The following ENKUR variants were observed in gnomAD, a reference collection of about 807,000 sequenced individuals.
ENKUR encodes enkurin.
ENKUR carries 19 observed loss-of-function variants against 27.6 expected under a neutral mutation model. The ratio of observed to expected loss-of-function variants is 0.69; its 90% CI spans 0.48 to 1.01. The LOEUF is 1.01. Ranked by LOEUF, ENKUR falls within the 50% of genes least tolerant of loss-of-function variation. The pLI, the probability that ENKUR is intolerant of heterozygous loss-of-function variation, is 0.00. For missense variants in ENKUR, 312 were observed against 310.5 expected (o/e 1.00, Z -0.04); for synonymous variants, 117 against 96.9 (o/e 1.21, Z -1.22).
chr10:25,042,205 AAGAG>A (rs1020531029), intron 2 of ENKUR, among the ~76,000 whole-genome samples: 4 of 152,002 alleles, frequency 2.6e-5, no homozygotes, highest in East Asian at 1.9e-4. Flanking sequence ...TATAGGGAGA[AAGAG>A]AGAAAGATTA....
chr10:24,993,967 A>G (rs1265971122), intron 3 of ENKUR, among the ~76,000 whole-genome samples: 2 of 152,122 alleles, frequency 1.3e-5, no homozygotes, highest in Admixed American at 1.3e-4. Context: ...ACTTTTCCCT[A>G]TCCTGTGGGA....
At chr10:25,030,325 G>A (rs1348818601) in intron 2 of ENKUR, among the ~76,000 whole-genome samples, 3 of 152,080 alleles carry the variant, frequency 2.0e-5, no homozygotes, top group Non-Finnish European at 4.4e-5. Flanking sequence ...GTCTAACAAT[G>A]TCTTTATTCC....
chr10:25,052,080 T>C (rs868641163), intron 2 of ENKUR, among the ~76,000 whole-genome samples: 3 of 152,258 alleles, frequency 2.0e-5, no homozygotes, highest in Admixed American at 2.0e-4. Context: ...TTGTCATTTA[T>C]CATTAACTAG....
chr10:24,991,581 G>C (rs1021623847), intron 3 of ENKUR, among the ~76,000 whole-genome samples: 10 of 152,196 alleles, frequency 6.6e-5, no homozygotes, highest in Non-Finnish European at 1.3e-4. Flanking sequence ...TTTGGCCGGG[G>C]TGGTGGGAGG....
chr10:25,056,614 G>GTGATT (rs1160684283), intron 2 of ENKUR, among the ~76,000 whole-genome samples: 8 of 152,108 alleles, frequency 5.3e-5, no homozygotes, highest in Admixed American at 2.0e-4. Context: ...TTATTTCAAG[G>GTGATT]GAAATATACC....
At position 25,005,776 on chromosome 10, in the gene ENKUR, CACTT is replaced by C. The variant is rs1415912452; in HGVS notation, c.78-6234_78-6231del. Among the ~76,000 whole-genome samples, 4 of 152,216 alleles carry C rather than the reference CACTT, an allele frequency of 2.6e-5. No individual in the cohort carries two copies. The East Asian group carries it at 7.7e-4, about 29-fold the overall frequency. ...GGTTGTCTGTCATAGCTCTGATCTG[CACTT>C]ACTTGACAACACAGGCATATGTCAT... On this transcript the variant is annotated intron_variant, in intron 1 of 5. Transcript: ENST00000331161.
chr10:24,990,532 A>G lies in ENKUR; in HGVS notation c.525T>C (p.Tyr175=), dbSNP rs1378503832. 1.9e-6 allele frequency: 3 copies of G among 1,614,098 alleles called. No homozygotes were observed. The highest frequency in any genetic ancestry group is 2.5e-6 in the Non-Finnish European group (3 of 1,180,020). ...IKKAQEDYDR[Y]IQENLKKAAM... ...CTGCTTTCTTAAGGTTTTCCTGGAT[A>G]TAACGATCATAGTCTTCTTGGGCTT... Residue 175 remains tyrosine (Y), a synonymous_variant, in exon 4 of 6, where the codon TAT becomes TAC. Coordinates refer to ENST00000331161, the MANE Select transcript of ENKUR (RefSeq NM_145010.4).
At chr10:25,044,145 A>G (rs1851095118) in intron 2 of ENKUR, among the ~76,000 whole-genome samples, 3 of 152,154 alleles carry the variant, frequency 2.0e-5, no homozygotes, top group Non-Finnish European at 2.9e-5. Flanking sequence ...TTTTTATTGT[A>G]TAGCTCACAT....
At chr10:24,992,743 G>A (rs1356672909) in intron 3 of ENKUR, among the ~76,000 whole-genome samples, 1 of 152,210 alleles carries the variant, frequency 6.6e-6, no homozygotes, top group Non-Finnish European at 1.5e-5. Flanking sequence ...TCATCACAGT[G>A]TAACTTAACC....
intron 2 of ENKUR, among the ~76,000 whole-genome samples, chr10:25,027,480 T>G (rs1588677902): frequency 6.7e-6 from 1 of 149,216 alleles, no homozygotes; most frequent in Admixed American, 6.7e-5. Context: ...CAGGTTGCGG[T>G]TGAGCAGAGA....
Position 24,990,708 on chromosome 10 carries a change from A to G in ENKUR, c.448-99T>C, listed in dbSNP as rs997557553. The G allele has an allele frequency of 1.1e-5, 13 of 1,216,942 alleles. No individual in the cohort carries two copies. In the African/African-American group the frequency reaches 1.8e-4, roughly 17 times the overall value. 75.4% of individuals were successfully genotyped at this position (1,216,942 alleles called of 1,614,324 possible). ...GATGGAAGAAAAAGAAATGGTACAG[A>G]CTAAATCCTTTGTTCAAAACCCTGT... On this transcript the variant is annotated intron_variant, in intron 3 of 5. Coordinates refer to ENST00000331161, the MANE Select transcript of ENKUR (RefSeq NM_145010.4).
At chr10:25,013,015 C>G (rs904594245) in intron 1 of ENKUR, among the ~76,000 whole-genome samples, 1 of 152,168 alleles carries the variant, frequency 6.6e-6, no homozygotes, top group Non-Finnish European at 1.5e-5. Context: ...CTGTGCTGCT[C>G]TCATGATAGT....
chr10:25,023,536 G>A, intron 2 of ENKUR: 1 of 1,614,136 alleles, frequency 6.2e-7, no homozygotes, highest in Non-Finnish European at 8.5e-7. Flanking sequence ...AAAATTACAG[G>A]ATGTTGGTAA....
chr10:24,994,159 C>T (rs1303902099), intron 3 of ENKUR, among the ~76,000 whole-genome samples: 2 of 152,146 alleles, frequency 1.3e-5, no homozygotes, highest in South Asian at 4.1e-4. Flanking sequence ...TGGTAGATCA[C>T]TGGACTCTTC....
chr10:25,028,777 T>C (rs570583139), intron 2 of ENKUR, among the ~76,000 whole-genome samples: 1 of 151,952 alleles, frequency 6.6e-6, no homozygotes, highest in Non-Finnish European at 1.5e-5. Flanking sequence ...CCTCACCCAA[T>C]GGAACACAAC....
chr10:25,052,649 GT>G (rs1851199275), intron 2 of ENKUR, among the ~76,000 whole-genome samples: 1 of 152,104 alleles, frequency 6.6e-6, no homozygotes, highest in African/African-American at 2.4e-5. Context: ...CTGAGAACCT[GT>G]AGTCTCAGCT....
intron 1 of ENKUR, among the ~76,000 whole-genome samples, chr10:25,001,077 C>G (rs79352348): frequency 2.6e-5 from 4 of 151,856 alleles, no homozygotes; most frequent in African/African-American, 9.7e-5. Context: ...ATTATGTTCC[C>G]TTTATATAAT....
chr10:25,028,256 A>G (rs1850891506), intron 2 of ENKUR, among the ~76,000 whole-genome samples: 2 of 152,194 alleles, frequency 1.3e-5, no homozygotes, highest in South Asian at 4.1e-4. Flanking sequence ...TCTCAAAACC[A>G]ACTCTGGCCC....
chr10:25,024,955 T>C, intron 2 of ENKUR: 1 of 1,614,126 alleles, frequency 6.2e-7, no homozygotes, highest in Non-Finnish European at 8.5e-7. Flanking sequence ...ACATTTACAC[T>C]TGATGGCTAA....
Sources: gnomAD v4.1 joint callset for allele counts (sites outside exome capture counted in the v4.1 genomes callset) on GRCh38, gnomAD v4.1.1 for gene constraint, MANE v1.5 for transcripts, NCBI Gene and HGNC (gene_info 2026-07-23, HGNC 2026-07-21) for gene names.